Variants in KHDRBS2 observed in about 807,000 individuals in gnomAD.
KHDRBS2 encodes KH domain-containing, RNA-binding, signal transduction-associated protein 2.
A neutral mutation model predicts 44.3 loss-of-function variants in KHDRBS2; 26 were observed. That is an observed-to-expected ratio of 0.59 (90% CI 0.43 to 0.81). KHDRBS2 has a LOEUF of 0.81. KHDRBS2 is among the 40% of genes least tolerant of loss of function. The pLI, the probability that KHDRBS2 is intolerant of heterozygous loss-of-function variation, is 0.00. For missense variants in KHDRBS2, 476 were observed against 433.1 expected (o/e 1.10, Z -0.88); for synonymous variants, 194 against 151.1 (o/e 1.28, Z -2.08).
At chr6:61,840,705 C>T (rs1479548334) in intron 6 of KHDRBS2, among the ~76,000 whole-genome samples, 2 of 152,076 alleles carry the variant, frequency 1.3e-5, no homozygotes, top group South Asian at 2.1e-4. Flanking sequence ...ACTTCTGCTC[C>T]AGCTGCATTC....
chr6:61,873,553 A>C (rs1022919207), intron 6 of KHDRBS2, among the ~76,000 whole-genome samples: 1 of 151,822 alleles, frequency 6.6e-6, no homozygotes, highest in Non-Finnish European at 1.5e-5. Flanking sequence ...TATCTCAAAC[A>C]GTTGAACATT....
At chr6:62,054,323 G>A (rs1789777231) in intron 2 of KHDRBS2, among the ~76,000 whole-genome samples, 1 of 151,988 alleles carries the variant, frequency 6.6e-6, no homozygotes, top group Admixed American at 6.6e-5. Flanking sequence ...CAGTCCTGGG[G>A]CACAGATAGA....
intron 6 of KHDRBS2, among the ~76,000 whole-genome samples, chr6:61,852,438 C>T (rs1795570047): frequency 1.3e-5 from 2 of 151,850 alleles, no homozygotes; most frequent in Admixed American, 6.6e-5. Flanking sequence ...GTGGCTTATG[C>T]CTATAGTCCC....
At chr6:61,559,274 T>C in the KHDRBS2 span, among the ~76,000 whole-genome samples, 2 of 152,074 alleles carry the variant, frequency 1.3e-5, no homozygotes, top group Non-Finnish European at 2.9e-5. Flanking sequence ...GAATATTTTT[T>C]CCATCCTTTT....
chr6:62,163,579 C>T (rs772706125), intron 2 of KHDRBS2, among the ~76,000 whole-genome samples: 95 of 152,008 alleles, frequency 6.2e-4, no homozygotes, highest in Non-Finnish European at 9.3e-4. Context: ...AGGAGAAATA[C>T]ATCTGCTTTT....
chr6:61,795,097 C>A (rs1785124812), intron 6 of KHDRBS2, among the ~76,000 whole-genome samples: 3 of 143,224 alleles, frequency 2.1e-5, no homozygotes. Context: ...CGAGATCGTG[C>A]CACTGCACTC....
chr6:61,600,054 T>A, the KHDRBS2 span, among the ~76,000 whole-genome samples: 1 of 152,234 alleles, frequency 6.6e-6, no homozygotes, highest in Admixed American at 6.5e-5. Flanking sequence ...CTAGTCTGCA[T>A]AAATGCTTTT....
chr6:62,134,869 A>G (rs1811164304), intron 2 of KHDRBS2, among the ~76,000 whole-genome samples: 1 of 152,234 alleles, frequency 6.6e-6, no homozygotes, highest in South Asian at 2.1e-4. Context: ...ATATTTATAC[A>G]ACGCCTGTAC....
chr6:62,265,444 G>A (rs976194505), intron 1 of KHDRBS2, among the ~76,000 whole-genome samples: 2 of 151,896 alleles, frequency 1.3e-5, no homozygotes, highest in African/African-American at 2.4e-5. Context: ...GTGTATGTGT[G>A]TGTATTTGAG....
At chr6:62,099,455 G>C (rs189925426) in intron 2 of KHDRBS2, among the ~76,000 whole-genome samples, 1 of 152,108 alleles carries the variant, frequency 6.6e-6, no homozygotes, top group Admixed American at 6.6e-5. Flanking sequence ...CCATATCCTC[G>C]GTTGGTGTGT....
At chr6:61,931,873 C>G (rs1810118898) in intron 4 of KHDRBS2, among the ~76,000 whole-genome samples, 1 of 152,116 alleles carries the variant, frequency 6.6e-6, no homozygotes, top group African/African-American at 2.4e-5. Flanking sequence ...TCCTCCTCCT[C>G]CTCCTCCTCA....
chr6:61,859,189 C>A (rs1297584495), intron 6 of KHDRBS2, among the ~76,000 whole-genome samples: 1 of 151,814 alleles, frequency 6.6e-6, no homozygotes, highest in Non-Finnish European at 1.5e-5. Context: ...CAAATGATTA[C>A]AAGGTGTGAT....
chr6:61,742,223 T>C (rs993307411), intron 6 of KHDRBS2, among the ~76,000 whole-genome samples: 8 of 151,984 alleles, frequency 5.3e-5, no homozygotes, highest in Non-Finnish European at 1.2e-4. Context: ...ACTTACTTTA[T>C]GAAGTGTGGT....
chr6:61,826,600 G>A (rs1245678843), intron 6 of KHDRBS2, among the ~76,000 whole-genome samples: 1 of 152,036 alleles, frequency 6.6e-6, no homozygotes, highest in Admixed American at 6.6e-5. Context: ...CAGTGAGTGT[G>A]TCATCTGGTC....
intron 4 of KHDRBS2, among the ~76,000 whole-genome samples, chr6:61,933,761 T>C (rs1402865710): frequency 1.3e-5 from 2 of 152,244 alleles, no homozygotes; most frequent in Admixed American, 6.5e-5. Context: ...CCACCGTGTA[T>C]ATGAAATCTA....
At chr6:61,615,393 C>T in the KHDRBS2 span, among the ~76,000 whole-genome samples, 1 of 151,906 alleles carries the variant, frequency 6.6e-6, no homozygotes, top group African/African-American at 2.4e-5. Context: ...AGTGCTGAAC[C>T]TTTTCTGTTC....
At chr6:61,561,991 T>C in the KHDRBS2 span, among the ~76,000 whole-genome samples, 1 of 152,164 alleles carries the variant, frequency 6.6e-6, no homozygotes, top group African/African-American at 2.4e-5. Context: ...TCTTCACAGA[T>C]AAAATCACTA....
intron 6 of KHDRBS2, among the ~76,000 whole-genome samples, chr6:61,821,503 T>C (rs1332447704): frequency 6.6e-6 from 1 of 151,994 alleles, no homozygotes; most frequent in Admixed American, 6.6e-5. Flanking sequence ...TATCAATGAC[T>C]TAAAATGCTG....
rs1766155668 is a variant in KHDRBS2 at position 61,680,048 on chromosome 6, A to T, written c.*915T>A. ...GTTTACTAACCATGATTCATGTAAC[A>T]GTTTAGTTTGTTAACTTTTAAATTA... On this transcript the variant is annotated 3_prime_UTR_variant, in exon 9 of 9. Coordinates refer to ENST00000281156, the MANE Select transcript of KHDRBS2 (RefSeq NM_152688.4). 1 of 152,148 alleles carries T rather than the reference A, an allele frequency of 6.6e-6. No homozygotes were observed. The highest frequency in any genetic ancestry group is 2.4e-5 in the African/African-American group (1 of 41,432). The allele number at this position is 152,148 out of a possible 1,614,324, so 9.4% of individuals were successfully genotyped here.
Sources: gnomAD v4.1 joint callset for allele counts (sites outside exome capture counted in the v4.1 genomes callset) on GRCh38, gnomAD v4.1.1 for gene constraint, MANE v1.5 for transcripts, NCBI Gene and HGNC (gene_info 2026-07-23, HGNC 2026-07-21) for gene names.